Variants in LAMA1 observed in about 807,000 individuals in gnomAD.
The protein encoded by LAMA1 is laminin subunit alpha-1.
In LAMA1, 219 loss-of-function variants were observed where a neutral mutation model predicts 348.7. That is an observed-to-expected ratio of 0.63 (90% CI 0.56 to 0.70). LAMA1 has a LOEUF of 0.70. LAMA1 is among the 30% of genes least tolerant of loss of function. The pLI, the probability that LAMA1 is intolerant of heterozygous loss-of-function variation, is 0.00. For synonymous variants in LAMA1, 1,487 were observed against 1,491.0 expected, an observed-to-expected ratio of 1.00 and a Z score of 0.06; for missense variants, 3,744 against 3,888.0, an observed-to-expected ratio of 0.96 and a Z score of 0.99.
chr18:6,947,309 A>G lies in LAMA1; in HGVS notation c.8711-13T>C. On this transcript the variant is annotated splice_polypyrimidine_tract_variant and intron_variant, in intron 60 of 62. Coordinates refer to ENST00000389658, the MANE Select transcript of LAMA1 (RefSeq NM_005559.4). Reference sequence around the variant, plus strand: ...TAGCCCTCTTTGACTGTAACACACAAGGAGGACCCAAGTCAGGGTGAGCGC... The same window carrying G: ...TAGCCCTCTTTGACTGTAACACACAGGGAGGACCCAAGTCAGGGTGAGCGC... The G allele has an allele frequency of 6.2e-7, 1 of 1,613,242 alleles. No individual in the cohort carries two copies. The highest frequency in any genetic ancestry group is 8.5e-7 in the Non-Finnish European group (1 of 1,179,996).
chr18:6,966,094 G>A, intron 49 of LAMA1, 53 bp downstream of exon 49: 1 of 1,591,896 alleles, frequency 6.3e-7, no homozygotes, highest in Non-Finnish European at 8.6e-7. Context: ...CAACCACATA[G>A]CAATCTAAAT....
chr18:6,967,624 G>T (rs528828365), intron 48 of LAMA1, among the ~76,000 whole-genome samples: 106 of 152,318 alleles, frequency 7.0e-4, no homozygotes, highest in African/African-American at 2.5e-3. Context: ...ATTCTGCAGT[G>T]TTCGGAGGTC....
In LAMA1 at chr18:7,049,183, T is replaced by C; in HGVS notation, c.663A>G (p.Ala221=). 6.2e-7 allele frequency: 1 copy of C among 1,614,228 alleles called. No homozygotes were observed. Among genetic ancestry groups the C allele is most frequent in the Non-Finnish European group, 8.5e-7 (1 of 1,180,026 alleles). The part of the protein sequence containing the change: ...LSPKLLEFTS[A]RYIRLRLQRI... ...GTTGCAAGCGAAGGCGAATATATCG[T>C]GCAGAAGTGAATTCCAACAACTTGG... Residue 221 remains alanine (A), a synonymous_variant, in exon 5 of 63, where the codon GCA becomes GCG. Transcript: ENST00000389658.
At chr18:6,949,740 T>A (rs1028399354) in intron 58 of LAMA1, among the ~76,000 whole-genome samples, 1 of 152,164 alleles carries the variant, frequency 6.6e-6, no homozygotes, top group Non-Finnish European at 1.5e-5. Context: ...AAAACAAAGA[T>A]GGTTAACAGT....
chr18:6,997,418 G>T (rs1275243944), intron 33 of LAMA1, among the ~76,000 whole-genome samples: 1 of 152,196 alleles, frequency 6.6e-6, no homozygotes. Flanking sequence ...ACCCAAAGTT[G>T]TCTTACAGAA....
At chr18:7,081,192 G>T (rs1284886713) in intron 1 of LAMA1, among the ~76,000 whole-genome samples, 2 of 152,090 alleles carry the variant, frequency 1.3e-5, no homozygotes, top group East Asian at 1.9e-4. Flanking sequence ...GCGAGAGTAT[G>T]GGTGTTCACT....
intron 56 of LAMA1, chr18:6,955,853 CACT>C: frequency 2.8e-6 from 1 of 356,970 alleles, no homozygotes; most frequent in Non-Finnish European, 5.5e-6. Context: ...GCGGACCAGG[CACT>C]GGAAAACTGG....
At chr18:7,069,701 C>T (rs1009174192) in intron 3 of LAMA1, among the ~76,000 whole-genome samples, 1 of 152,140 alleles carries the variant, frequency 6.6e-6, no homozygotes, top group Non-Finnish European at 1.5e-5. Flanking sequence ...TGTGGAAAGA[C>T]CACACGGAGA....
chr18:6,999,808 G>C, intron 31 of LAMA1, 103 bp downstream of exon 31: 1 of 1,261,796 alleles, frequency 7.9e-7, no homozygotes, highest in Non-Finnish European at 1.2e-6. Flanking sequence ...CATCCAAACT[G>C]ATAATTGATA....
At chr18:7,015,594 T>C in intron 22 of LAMA1, 128 bp downstream of exon 22, 1 of 1,252,286 alleles carries the variant, frequency 8.0e-7, no homozygotes, top group Admixed American at 1.9e-5. Flanking sequence ...TTGAGTTTTT[T>C]TTTTTTTTTT....
In LAMA1 at chr18:6,992,542, A is replaced by G; in HGVS notation, c.5168+19T>C. The G allele has an allele frequency of 6.2e-7, 1 of 1,613,504 alleles. No homozygotes were observed. On this transcript the variant is annotated intron_variant, in intron 36 of 62. Coordinates refer to ENST00000389658, the MANE Select transcript of LAMA1 (RefSeq NM_005559.4). ...CTCTCTCTACTTGGTTGCATTGCACACAGTAATTAGAAACTTACTTGAGTT... is the reference window on the plus strand; with the variant it reads ...CTCTCTCTACTTGGTTGCATTGCACGCAGTAATTAGAAACTTACTTGAGTT...
At chr18:7,008,918 T>C (rs535089947) in intron 27 of LAMA1, among the ~76,000 whole-genome samples, 59 of 152,342 alleles carry the variant, frequency 3.9e-4, no homozygotes, top group African/African-American at 1.2e-3. Context: ...GGTGACAGCA[T>C]TCTTTATACA....
intron 28 of LAMA1, among the ~76,000 whole-genome samples, chr18:7,007,913 T>TTTATTTATTTATTTA (rs1568028350): frequency 3.7e-5 from 5 of 136,742 alleles, no homozygotes; most frequent in Non-Finnish European, 5.1e-5. Flanking sequence ...ATTACTCCAC[T>TTTATTTATTTATTTA]TTTATTTATT....
At chr18:7,045,294 C>A (rs1355105070) in intron 6 of LAMA1, among the ~76,000 whole-genome samples, 1 of 151,964 alleles carries the variant, frequency 6.6e-6, no homozygotes, top group African/African-American at 2.4e-5. Flanking sequence ...CATGGTGAAA[C>A]CCCATCTCTA....
chr18:7,059,219 A>G (rs988818813), intron 3 of LAMA1, among the ~76,000 whole-genome samples: 29 of 152,186 alleles, frequency 1.9e-4, no homozygotes, highest in African/African-American at 6.0e-4. Context: ...CCTTGTCCCA[A>G]TAAAGTCCAC....
chr18:7,000,504 A>G lies in LAMA1; in HGVS notation c.4383-507T>C, dbSNP rs79081881. Among the ~76,000 whole-genome samples, 559 of 152,356 alleles carry G rather than the reference A, an allele frequency of 3.7e-3. 3 individuals are homozygous for G. Among genetic ancestry groups the G allele is most frequent in the South Asian group, 0.022 (104 of 4,832 alleles). ...TAAGGCAGAACTGGAGAACGGATGCACCTAAAGGCAGGCAGGGAGTTATGT... is the reference window on the plus strand; with the variant it reads ...TAAGGCAGAACTGGAGAACGGATGCGCCTAAAGGCAGGCAGGGAGTTATGT... On this transcript the variant is annotated intron_variant, in intron 30 of 62. Transcript: ENST00000389658.
At chr18:7,019,030 T>C (rs1202674706) in intron 19 of LAMA1, among the ~76,000 whole-genome samples, 1 of 152,100 alleles carries the variant, frequency 6.6e-6, no homozygotes, top group African/African-American at 2.4e-5. Flanking sequence ...GTGCGGACTC[T>C]GCTGCTAACT....
At chr18:7,020,641 G>A (rs552237635) in intron 19 of LAMA1, among the ~76,000 whole-genome samples, 1 of 152,284 alleles carries the variant, frequency 6.6e-6, no homozygotes, top group South Asian at 2.1e-4. Context: ...GTCAGCATCA[G>A]CCCTACTAGC....
At chr18:7,032,570 T>C (rs1008751139) in intron 15 of LAMA1, among the ~76,000 whole-genome samples, 11 of 152,240 alleles carry the variant, frequency 7.2e-5, no homozygotes, top group African/African-American at 2.7e-4. Flanking sequence ...ACATGTAAGG[T>C]GGAGCCCACC....
Sources: gnomAD v4.1 joint callset for allele counts (sites outside exome capture counted in the v4.1 genomes callset) on GRCh38, gnomAD v4.1.1 for gene constraint, MANE v1.5 for transcripts, NCBI Gene and HGNC (gene_info 2026-07-23, HGNC 2026-07-21) for gene names.